CPNE8: variants seen among roughly 807,000 people sequenced by gnomAD.
CPNE8 encodes the protein copine-8.
A neutral mutation model predicts 81.5 loss-of-function variants in CPNE8; 45 were observed. The ratio of observed to expected loss-of-function variants is 0.55; its 90% CI spans 0.44 to 0.71. The LOEUF (loss-of-function observed/expected upper bound fraction) is 0.71, where lower values mean the gene tolerates loss of function less well. Ranked by LOEUF, CPNE8 falls within the 30% of genes least tolerant of loss-of-function variation. The probability of loss-of-function intolerance (pLI) is 0.00; values close to 1 mark genes in which losing one functional copy is unlikely to be tolerated. For synonymous variants in CPNE8, 252 were observed against 226.3 expected, an observed-to-expected ratio of 1.11 and a Z score of -1.02; for missense variants, 594 against 672.1, an observed-to-expected ratio of 0.88 and a Z score of 1.28.
At chr12:38,833,198 C>CA in intron 5 of CPNE8, among the ~76,000 whole-genome samples, 1 of 151,540 alleles carries the variant, frequency 6.6e-6, no homozygotes, top group Admixed American at 6.6e-5. Context: ...ACTAAAAATA[C>CA]AAAAATTAGC....
chr12:38,777,026 C>T (rs548599035), intron 6 of CPNE8, among the ~76,000 whole-genome samples: 9 of 149,562 alleles, frequency 6.0e-5, no homozygotes, highest in African/African-American at 1.7e-4. Context: ...TCTACACATA[C>T]CAAAAAAAAA....
At position 38,675,257 on chromosome 12, in the gene CPNE8, C is replaced by T. The variant is rs142767319; in HGVS notation, c.1432+460G>A. On this transcript the variant is annotated intron_variant, in intron 18 of 19. Coordinates refer to ENST00000331366, the MANE Select transcript of CPNE8 (RefSeq NM_153634.3). ...TAATGTCTATCAACTAGCTAGAGCCCGAAAACCCATTAAATTAGCATATTA... is the reference window on the plus strand; with the variant it reads ...TAATGTCTATCAACTAGCTAGAGCCTGAAAACCCATTAAATTAGCATATTA... Among the ~76,000 whole-genome samples, 10 of 152,180 alleles carry T rather than the reference C, an allele frequency of 6.6e-5. No homozygotes were observed. In the South Asian group the frequency reaches 1.0e-3, roughly 16 times the overall value.
intron 11 of CPNE8, among the ~76,000 whole-genome samples, chr12:38,729,314 T>G (rs1024812950): frequency 6.6e-6 from 1 of 152,072 alleles, no homozygotes; most frequent in Non-Finnish European, 1.5e-5. Context: ...TGTCTCTTTC[T>G]GACTGAGAAA....
In CPNE8 at chr12:38,677,347, G is replaced by T. The variant is rs561363093; in HGVS notation, c.1374+105C>A. 12 of 671,694 alleles carry T rather than the reference G, an allele frequency of 1.8e-5. No individual in the cohort carries two copies. The East Asian group carries it at 1.9e-4, about 11-fold the overall frequency. The allele number at this position is 671,694 out of a possible 1,614,324, so 41.6% of individuals were successfully genotyped here. On this transcript the variant is annotated intron_variant, in intron 17 of 19. Coordinates refer to ENST00000331366, the MANE Select transcript of CPNE8 (RefSeq NM_153634.3). The stretch of plus-strand genomic sequence containing the variant: ...GTTAAGGATGCAATCTGCTGCAAAG[G>T]TGTGGTGATTTTATTTTATTGTTAA...
intron 8 of CPNE8, among the ~76,000 whole-genome samples, chr12:38,764,616 C>CAAAA (rs1247038606): frequency 4.7e-4 from 21 of 45,080 alleles, no homozygotes; most frequent in African/African-American, 1.0e-3. Flanking sequence ...GACTCCGTCT[C>CAAAA]AAAAAAAAAA....
At chr12:38,718,136 T>C (rs1394513475) in intron 13 of CPNE8, among the ~76,000 whole-genome samples, 1 of 152,154 alleles carries the variant, frequency 6.6e-6, no homozygotes, top group Non-Finnish European at 1.5e-5. Context: ...TGGTTGATGA[T>C]AGCCCAAGGT....
intron 3 of CPNE8, among the ~76,000 whole-genome samples, chr12:38,868,452 G>C (rs1200507623): frequency 6.6e-6 from 1 of 152,046 alleles, no homozygotes; most frequent in African/African-American, 2.4e-5. Flanking sequence ...ATACTTAAAA[G>C]ATACTTGGTA....
chr12:38,748,765 G>T (rs1941293122), intron 10 of CPNE8, among the ~76,000 whole-genome samples: 1 of 151,800 alleles, frequency 6.6e-6, no homozygotes, highest in Non-Finnish European at 1.5e-5. Context: ...GTATTTTTAA[G>T]GATATTAATA....
At chr12:38,661,652 C>A (rs1022926860) in intron 19 of CPNE8, among the ~76,000 whole-genome samples, 12 of 151,906 alleles carry the variant, frequency 7.9e-5, no homozygotes, top group Non-Finnish European at 1.6e-4. Context: ...CAAATGTATT[C>A]CACAAGGCCA....
chr12:38,837,089 A>G (rs554678476), intron 5 of CPNE8, among the ~76,000 whole-genome samples: 1 of 152,238 alleles, frequency 6.6e-6, no homozygotes, highest in South Asian at 2.1e-4. Flanking sequence ...AAATCATGGG[A>G]CCTACAGGAG....
chr12:38,661,481 G>A (rs138524717), intron 19 of CPNE8, among the ~76,000 whole-genome samples: 1 of 152,080 alleles, frequency 6.6e-6, no homozygotes, highest in Non-Finnish European at 1.5e-5. Flanking sequence ...TGGGGAGAGA[G>A]AGCATTAGGA....
intron 6 of CPNE8, among the ~76,000 whole-genome samples, chr12:38,785,816 T>G (rs1818058568): frequency 6.6e-6 from 1 of 152,064 alleles, no homozygotes; most frequent in Non-Finnish European, 1.5e-5. Flanking sequence ...TCCTTGTTTA[T>G]GCAAACAGTG....
At chr12:38,789,425 A>G (rs1340047640) in intron 6 of CPNE8, among the ~76,000 whole-genome samples, 3 of 152,018 alleles carry the variant, frequency 2.0e-5, no homozygotes, top group Middle Eastern at 3.4e-3. Context: ...CTAGACCCCT[A>G]TCTTTTGCTA....
intron 19 of CPNE8, among the ~76,000 whole-genome samples, chr12:38,661,203 C>A (rs940462043): frequency 7.2e-5 from 11 of 152,220 alleles, no homozygotes; most frequent in African/African-American, 2.6e-4. Flanking sequence ...GACTTGGAAC[C>A]AACCCAAATG....
At chr12:38,723,958 T>A in intron 12 of CPNE8, 125 bp from the exon 13 acceptor site, 1 of 630,210 alleles carries the variant, frequency 1.6e-6, no homozygotes, top group Non-Finnish European at 2.8e-6. Context: ...TATTTTTTAT[T>A]AACATCTGCT....
At chr12:38,853,341 C>T (rs546575432) in intron 3 of CPNE8, among the ~76,000 whole-genome samples, 3 of 152,152 alleles carry the variant, frequency 2.0e-5, no homozygotes, top group Admixed American at 2.0e-4. Context: ...GAAACAGCTA[C>T]ATTTTAAAGA....
chr12:38,905,684 G>T, upstream of CPNE8: 1 of 1,464,510 alleles, frequency 6.8e-7, no homozygotes, highest in Non-Finnish European at 9.0e-7. Flanking sequence ...AGGGAAGGGA[G>T]GAGGCGGACC....
At chr12:38,654,728 C>T (rs940180439) in intron 19 of CPNE8, among the ~76,000 whole-genome samples, 2 of 152,020 alleles carry the variant, frequency 1.3e-5, no homozygotes, top group African/African-American at 4.8e-5. Context: ...CAGGATGGAG[C>T]ATTTAACCTC....
intron 16 of CPNE8, among the ~76,000 whole-genome samples, chr12:38,679,100 A>T (rs930825286): frequency 2.0e-5 from 3 of 151,890 alleles, no homozygotes; most frequent in Non-Finnish European, 4.4e-5. Flanking sequence ...ATAGGGTTTT[A>T]TATTTCATGA....
Sources: gnomAD v4.1 joint callset for allele counts (sites outside exome capture counted in the v4.1 genomes callset) on GRCh38, gnomAD v4.1.1 for gene constraint, MANE v1.5 for transcripts, NCBI Gene and HGNC (gene_info 2026-07-23, HGNC 2026-07-21) for gene names.